The following EXPH5 variants were observed in gnomAD, a reference collection of about 807,000 sequenced individuals.
EXPH5 encodes exophilin-5.
Under a neutral mutation model 41.1 loss-of-function variants are expected in EXPH5, and 42 were observed. The ratio of observed to expected loss-of-function variants is 1.02; its 90% CI spans 0.80 to 1.32. The LOEUF is 1.32. EXPH5 is among the 40% of genes most tolerant of loss of function. EXPH5 has a pLI of 0.00. For missense variants in EXPH5, 2,298 were observed against 2,314.5 expected (o/e 0.99, Z 0.15); for synonymous variants, 798 against 833.5 (o/e 0.96, Z 0.73).
Position 108,512,364 on chromosome 11 carries a change from C to T in EXPH5, c.3143G>A (p.Gly1048Glu), listed in dbSNP as rs1290517967. ...ATTTTTGATTTGGAAGGGAGGTGGCCCATTCCTCAATGAAGCAGCCATTAT... is the reference window on the plus strand; with the variant it reads ...ATTTTTGATTTGGAAGGGAGGTGGCTCATTCCTCAATGAAGCAGCCATTAT... ...SKIMAASLRN[G>E]PPPFQIKNNV... The change falls in exon 6 of 6, where the codon GGG becomes GAG. Residue 1048 changes from glycine (G) to glutamate (E), a missense_variant. Gly to Glu is a moderately conservative substitution (Grantham distance 98). Transcript: ENST00000265843. 1.9e-6 allele frequency: 3 copies of T among 1,610,566 alleles called. No homozygotes were observed. Among genetic ancestry groups the T allele is most frequent in the South Asian group, 1.1e-5 (1 of 90,192 alleles).
chr11:108,539,815 C>A (rs1025190851), intron 2 of EXPH5, among the ~76,000 whole-genome samples: 2 of 152,058 alleles, frequency 1.3e-5, no homozygotes, highest in African/African-American at 2.4e-5. Flanking sequence ...TCATTGAAGC[C>A]TTTCAGATTT....
At chr11:108,587,337 A>G (rs959224061) in intron 1 of EXPH5, among the ~76,000 whole-genome samples, 3 of 152,176 alleles carry the variant, frequency 2.0e-5, no homozygotes, top group South Asian at 2.1e-4. Flanking sequence ...GAATGAAAGT[A>G]TTTTCTGACT....
At chr11:108,566,280 T>A (rs956216541) in intron 1 of EXPH5, among the ~76,000 whole-genome samples, 1 of 152,150 alleles carries the variant, frequency 6.6e-6, no homozygotes, top group African/African-American at 2.4e-5. Context: ...GAATCCATTA[T>A]TGTTCATCAT....
intron 1 of EXPH5, among the ~76,000 whole-genome samples, chr11:108,579,332 T>TTTA (rs1342693666): frequency 2.0e-5 from 3 of 152,196 alleles, no homozygotes; most frequent in African/African-American, 7.2e-5. Context: ...CTTGCATATG[T>TTTA]TGAACCATCT....
chr11:108,586,724 A>T (rs1591762134), intron 1 of EXPH5, among the ~76,000 whole-genome samples: 1 of 149,462 alleles, frequency 6.7e-6, no homozygotes, highest in Non-Finnish European at 1.5e-5. Context: ...AAGCTTTATC[A>T]ATATAAAAAA....
At chr11:108,599,028 A>AAG in the EXPH5 span, among the ~76,000 whole-genome samples, 150,227 of 151,048 alleles carry the variant, frequency 0.99, 74,703 homozygotes, top group Middle Eastern at 1. Flanking sequence ...CCTCCGGAAA[A>AAG]AGAGACGGAG....
Position 108,514,449 on chromosome 11 carries a change from C to T in EXPH5, c.1058G>A (p.Gly353Glu), listed in dbSNP as rs551195312. The change falls in exon 6 of 6, where the codon GGG (glycine) becomes GAG (glutamate). Residue 353 changes from glycine (G) to glutamate (E), a missense_variant. By Grantham distance (98) the Gly-to-Glu change is moderately conservative (BLOSUM62 -2). Transcript: ENST00000265843. ...HFPATTQSKS[G>E]FIPPRHQQSP... ...CTGCTGGTGCCTTGGTGGTATAAAC[C>T]CACTCTTGCTCTGAGTTGTGGCTGG... is the stretch of plus-strand genomic sequence containing the variant. 3 of 1,613,900 alleles carry T rather than the reference C, an allele frequency of 1.9e-6. No homozygotes were observed. Among genetic ancestry groups the T allele is most frequent in the African/African-American group, 1.3e-5 (1 of 75,014 alleles).
At chr11:108,595,208 C>G (rs564847534), upstream of EXPH5, among the ~76,000 whole-genome samples, 1 of 152,284 alleles carries the variant, frequency 6.6e-6, no homozygotes, top group Non-Finnish European at 1.5e-5. Flanking sequence ...CAACACAGTC[C>G]TTGTCTTTAG....
chr11:108,584,214 A>ACT (rs2094106949), intron 1 of EXPH5, among the ~76,000 whole-genome samples: 1 of 152,128 alleles, frequency 6.6e-6, no homozygotes, highest in Non-Finnish European at 1.5e-5. Flanking sequence ...AGTGGCTCAC[A>ACT]CTTATAATCC....
chr11:108,513,832 T>C lies in EXPH5; in HGVS notation c.1675A>G (p.Thr559Ala). Reference sequence around the variant, plus strand: ...TGTGATACCACCATGCTATCCAGTGTGGATCTCTGAAAATCAAACTGCCAA... The same window carrying C: ...TGTGATACCACCATGCTATCCAGTGCGGATCTCTGAAAATCAAACTGCCAA... ...HPWQFDFQRS[T>A]LDSMVVSHGN... The change falls in exon 6 of 6, where the codon ACA (threonine) becomes GCA (alanine). Residue 559 changes from threonine to alanine, a missense_variant. By Grantham distance (58) the Thr-to-Ala change is moderately conservative. Transcript: ENST00000265843. 1 of 1,608,598 alleles carries C rather than the reference T, an allele frequency of 6.2e-7. No homozygotes were observed. The highest frequency in any genetic ancestry group is 8.5e-7 in the Non-Finnish European group (1 of 1,177,844).
At chr11:108,578,073 T>C (rs1348370739) in intron 1 of EXPH5, among the ~76,000 whole-genome samples, 1 of 152,242 alleles carries the variant, frequency 6.6e-6, no homozygotes, top group Admixed American at 6.5e-5. Flanking sequence ...TTTGCTTTGG[T>C]TGCCTGTCCT....
Position 108,511,881 on chromosome 11 carries a change from T to C in EXPH5, c.3626A>G (p.Asp1209Gly). The change falls in exon 6 of 6, where the codon GAC becomes GGC. Residue 1209 changes from aspartate to glycine, a missense_variant. Transcript: ENST00000265843. ...RRSVFALSNE[D>G]PLPFCSDLSG... ...CAAGTCTGAGCAAAAAGGTAAAGGG[T>C]CTTCATTTGAAAGAGCAAATACACT... 6.3e-7 allele frequency: 1 copy of C among 1,587,962 alleles called. No individual in the cohort carries two copies. Among genetic ancestry groups the C allele is most frequent in the African/African-American group, 1.4e-5 (1 of 73,502 alleles).
intron 5 of EXPH5, among the ~76,000 whole-genome samples, chr11:108,517,874 T>C (rs528429861): frequency 6.6e-6 from 1 of 152,104 alleles, no homozygotes; most frequent in Non-Finnish European, 1.5e-5. Flanking sequence ...TTCTCCTGCC[T>C]CAGCCTCCCA....
intron 1 of EXPH5, among the ~76,000 whole-genome samples, chr11:108,568,648 C>T (rs2094046102): frequency 6.6e-6 from 1 of 152,042 alleles, no homozygotes; most frequent in African/African-American, 2.4e-5. Flanking sequence ...GATATATTAC[C>T]TTACCCTGGA....
chr11:108,571,011 G>T (rs915963758), intron 1 of EXPH5, among the ~76,000 whole-genome samples: 2 of 152,156 alleles, frequency 1.3e-5, no homozygotes, highest in African/African-American at 4.8e-5. Context: ...GCTCTGGAAG[G>T]CCCAGGACAA....
intron 1 of EXPH5, among the ~76,000 whole-genome samples, chr11:108,569,575 G>A (rs547726012): frequency 4.6e-5 from 7 of 152,178 alleles, no homozygotes; most frequent in East Asian, 3.9e-4. Context: ...TCCTCACCTC[G>A]TGATCCGCCC....
In EXPH5 at chr11:108,505,565, A is replaced by G. The variant is rs2093640099; in HGVS notation, c.*3972T>C. 6.6e-6 allele frequency: 1 copy of G among 152,216 alleles called. No homozygotes were observed. Among genetic ancestry groups the G allele is most frequent in the South Asian group, 2.1e-4 (1 of 4,828 alleles). The allele number at this position is 152,216 out of a possible 1,614,324, so 9.4% of individuals were successfully genotyped here. A position where few individuals can be genotyped will look rare whatever the true frequency, so the allele number is the denominator to read the frequency against. On this transcript the variant is annotated 3_prime_UTR_variant, in exon 6 of 6. Coordinates refer to ENST00000265843, the MANE Select transcript of EXPH5 (RefSeq NM_015065.3). ...GATTATTTGACAAAGTTTTAACAAAAGTGCTTACAGCTTATTTGTTTCAGA... is the reference window on the plus strand; with the variant it reads ...GATTATTTGACAAAGTTTTAACAAAGGTGCTTACAGCTTATTTGTTTCAGA...
chr11:108,512,436 C>A lies in EXPH5; in HGVS notation c.3071G>T (p.Arg1024Ile). Residue 1024 changes from arginine to isoleucine, a missense_variant, in exon 6 of 6, where the codon AGA (arginine) becomes ATA (isoleucine). Arg to Ile is a moderately conservative substitution (Grantham distance 97, BLOSUM62 -3). Transcript: ENST00000265843. ...ATGTATGAGAAAACTGCTTGATTTTCTTGGCAAGGTACAATAAATTGTGTC... is the reference window on the plus strand; with the variant it reads ...ATGTATGAGAAAACTGCTTGATTTTATTGGCAAGGTACAATAAATTGTGTC... ...ELDTIYCTLP[R>I]KSSSFLIHGR... 2 of 1,611,798 alleles carry A rather than the reference C, an allele frequency of 1.2e-6. No homozygotes were observed. The highest frequency in any genetic ancestry group is 1.7e-6 in the Non-Finnish European group (2 of 1,179,506).
upstream of EXPH5, among the ~76,000 whole-genome samples, chr11:108,595,021 G>A (rs1420898609): frequency 3.9e-5 from 6 of 152,136 alleles, no homozygotes; most frequent in African/African-American, 7.2e-5. Flanking sequence ...TCCTGTTTTG[G>A]GAGTATGTCT....
Sources: allele counts gnomAD v4.1 joint callset (sites outside exome capture counted in the v4.1 genomes callset), GRCh38; gene constraint gnomAD v4.1.1; transcripts MANE v1.5; gene names NCBI Gene and HGNC (gene_info 2026-07-23, HGNC 2026-07-21).